RBM6: variants seen among roughly 807,000 people sequenced by gnomAD.
RBM6 encodes the protein RNA binding motif protein 6, also known as RNA-binding protein 6.
In RBM6, 23 loss-of-function variants were observed where a neutral mutation model predicts 140.4. The ratio of observed to expected loss-of-function variants is 0.16; its 90% CI spans 0.12 to 0.23. RBM6 has a LOEUF of 0.23. Among genes scored for constraint, RBM6 ranks in the 10% least tolerant of loss-of-function variants. The pLI is 1.00. For missense variants in RBM6, 1,139 were observed against 1,386.7 expected (o/e 0.82, Z 2.84); for synonymous variants, 439 against 475.6 (o/e 0.92, Z 1.00).
At position 50,014,518 on chromosome 3, in the gene RBM6, T is replaced by C. The variant is rs374494404; in HGVS notation, c.1557+15005T>C. ...ATTTCAGATAGTTTTCCAGGGAATA[T>C]TGAAAATGCAAGTGCAGATTTTCAC... is the stretch of plus-strand genomic sequence containing the variant. On this transcript the variant is annotated intron_variant, in intron 6 of 20. Coordinates refer to ENST00000266022, the MANE Select transcript of RBM6 (RefSeq NM_005777.3). 4.6e-5 allele frequency among the ~76,000 whole-genome samples: 7 copies of C among 152,346 alleles called. No homozygotes were observed. The South Asian group carries it at 8.3e-4, about 18-fold the overall frequency.
chr3:50,010,668 T>C (rs1480202036), intron 6 of RBM6, among the ~76,000 whole-genome samples: 1 of 151,930 alleles, frequency 6.6e-6, no homozygotes, highest in Non-Finnish European at 1.5e-5. Context: ...TTTGGGAGGC[T>C]GAGGCGGGCA....
At chr3:50,025,268 C>G (rs916342769) in intron 6 of RBM6, among the ~76,000 whole-genome samples, 1 of 151,552 alleles carries the variant, frequency 6.6e-6, no homozygotes, top group Non-Finnish European at 1.5e-5. Flanking sequence ...TCTAAAAATA[C>G]AAAAATTAGC....
chr3:50,002,078 C>T (rs2086358944), intron 6 of RBM6, among the ~76,000 whole-genome samples: 1 of 152,012 alleles, frequency 6.6e-6, no homozygotes, highest in South Asian at 2.1e-4. Context: ...CTCCACATGT[C>T]AAGTAATTTC....
chr3:50,048,208 G>A (rs2089305743), intron 6 of RBM6, 37 bp from the exon 7 acceptor site: 2 of 1,605,692 alleles, frequency 1.2e-6, no homozygotes, highest in Non-Finnish European at 1.7e-6. Flanking sequence ...GTTTCTCCAA[G>A]GGTTGATGTT....
intron 5 of RBM6, among the ~76,000 whole-genome samples, chr3:49,986,452 G>A (rs1197336511): frequency 2.6e-5 from 4 of 151,474 alleles, no homozygotes; most frequent in Admixed American, 6.6e-5. Flanking sequence ...AAAATTAGCC[G>A]GGCATGGTGG....
intron 1 of RBM6, among the ~76,000 whole-genome samples, chr3:49,947,900 C>A (rs1373559124): frequency 6.6e-6 from 1 of 152,162 alleles, no homozygotes; most frequent in Non-Finnish European, 1.5e-5. Context: ...TCAAGACTAG[C>A]CTTGCCAACA....
chr3:49,977,049 A>G (rs2085094438), intron 5 of RBM6, among the ~76,000 whole-genome samples: 2 of 152,206 alleles, frequency 1.3e-5, no homozygotes, highest in Admixed American at 1.3e-4. Flanking sequence ...TTTTGACAAT[A>G]TCAGCCAGAT....
intron 6 of RBM6, among the ~76,000 whole-genome samples, chr3:50,026,159 A>T (rs1394847395): frequency 6.6e-6 from 1 of 150,934 alleles, no homozygotes; most frequent in Non-Finnish European, 1.5e-5. Flanking sequence ...ATCTCGGCTC[A>T]CTGCAGCCTC....
At chr3:49,995,264 C>A (rs527619739) in intron 5 of RBM6, among the ~76,000 whole-genome samples, 4 of 108,660 alleles carry the variant, frequency 3.7e-5, no homozygotes, top group African/African-American at 1.7e-4. Flanking sequence ...TTCTCATTTG[C>A]CTAAAAAAAA....
intron 8 of RBM6, among the ~76,000 whole-genome samples, chr3:50,055,543 C>T (rs922789181): frequency 7.2e-5 from 11 of 152,122 alleles, no homozygotes; most frequent in African/African-American, 2.7e-4. Context: ...GCTAAGTGGG[C>T]AGCTGAGCAG....
chr3:50,034,577 A>G (rs1033052752), intron 6 of RBM6, among the ~76,000 whole-genome samples: 2 of 152,116 alleles, frequency 1.3e-5, no homozygotes, highest in African/African-American at 2.4e-5. Flanking sequence ...CCTGGCCAAC[A>G]TGGCGAAACC....
intron 5 of RBM6, among the ~76,000 whole-genome samples, chr3:49,999,131 C>T (rs766688447): frequency 3.3e-5 from 5 of 151,320 alleles, no homozygotes; most frequent in Admixed American, 6.6e-5. Flanking sequence ...CGGGTCCCCA[C>T]GTGAACTCTC....
At chr3:49,976,846 G>A (rs1482254280) in intron 5 of RBM6, among the ~76,000 whole-genome samples, 1 of 152,170 alleles carries the variant, frequency 6.6e-6, no homozygotes, top group Non-Finnish European at 1.5e-5. Context: ...TTGGCAGACT[G>A]AAGACATTGA....
intron 6 of RBM6, among the ~76,000 whole-genome samples, chr3:50,027,468 A>G (rs1337034155): frequency 6.6e-6 from 1 of 152,178 alleles, no homozygotes; most frequent in African/African-American, 2.4e-5. Context: ...AAGAAACTAT[A>G]TATCCATTAA....
At chr3:50,043,991 C>G (rs915759152) in intron 6 of RBM6, among the ~76,000 whole-genome samples, 14 of 151,224 alleles carry the variant, frequency 9.3e-5, no homozygotes, top group Non-Finnish European at 1.6e-4. Context: ...TCTAGCAATT[C>G]TGCCTCAGTC....
chr3:49,955,156 C>CTTTATTTTTTTTTTTT (rs1575535401), intron 1 of RBM6, among the ~76,000 whole-genome samples: 1 of 70,174 alleles, frequency 1.4e-5, no homozygotes, highest in Admixed American at 1.9e-4. Context: ...ATTTTTTTTT[C>CTTTATTTTTTTTTTTT]TTTCTTTTTT....
At chr3:50,020,708 C>CCACCT (rs2087432724) in intron 6 of RBM6, among the ~76,000 whole-genome samples, 1 of 152,092 alleles carries the variant, frequency 6.6e-6, no homozygotes, top group Non-Finnish European at 1.5e-5. Context: ...AGCCTGCTAC[C>CCACCT]CACCTAGGCT....
At chr3:50,058,122 G>A (rs2089788720) in intron 9 of RBM6, 119 bp downstream of exon 9, 2 of 1,249,244 alleles carry the variant, frequency 1.6e-6, no homozygotes, top group Admixed American at 5.1e-5. Flanking sequence ...TGCATGACCT[G>A]ATGACAGAGG....
chr3:50,031,697 T>G (rs2088175615), intron 6 of RBM6, among the ~76,000 whole-genome samples: 1 of 152,110 alleles, frequency 6.6e-6, no homozygotes, highest in Non-Finnish European at 1.5e-5. Context: ...ACCTGCACAT[T>G]GTGCACCATG....
Sources: gnomAD v4.1 joint callset for allele counts (sites outside exome capture counted in the v4.1 genomes callset) on GRCh38, gnomAD v4.1.1 for gene constraint, MANE v1.5 for transcripts, NCBI Gene and HGNC (gene_info 2026-07-23, HGNC 2026-07-21) for gene names.